IQCH: variants seen among roughly 807,000 people sequenced by gnomAD.
IQCH encodes IQ motif containing H.
In IQCH, 98 loss-of-function variants were observed where a neutral mutation model predicts 117.0. The observed-to-expected ratio is 0.84, with a 90% CI of 0.71 to 0.99. IQCH has a LOEUF of 0.99. IQCH is among the 50% of genes least tolerant of loss of function. The probability of loss-of-function intolerance (pLI) is 0.00; values close to 1 mark genes in which losing one functional copy is unlikely to be tolerated. For synonymous variants in IQCH, 412 were observed against 448.2 expected (o/e 0.92, Z 1.02); for missense variants, 1,102 against 1,243.8 (o/e 0.89, Z 1.72).
intron 4 of IQCH, chr15:67,281,758 T>C (rs1160727416): frequency 2.2e-6 from 1 of 454,786 alleles, no homozygotes; most frequent in Non-Finnish European, 4.4e-6. Flanking sequence ...TATTTCAAAA[T>C]ATGTCAAAGT....
rs1971449577 is a variant in IQCH at position 67,395,767 on chromosome 15, G to A, written c.1905+204G>A. On this transcript the variant is annotated intron_variant, in intron 13 of 20. Transcript: ENST00000335894. This position sits in a 1 kb window ranked among gnomAD's most constrained non-coding sequence, Gnocchi z 4.0. ...GATGGAGTCTCACTCTGTCATCCAG[G>A]CTGGAGGGCAGTGGTGTGATCTTGG... Among the ~76,000 whole-genome samples, 1 of 148,660 alleles carries A rather than the reference G, an allele frequency of 6.7e-6. No homozygotes were observed. Among genetic ancestry groups the A allele is most frequent in the African/African-American group, 2.5e-5 (1 of 40,066 alleles).
In IQCH at chr15:67,381,773, G is replaced by A. The variant is rs925439496; in HGVS notation, c.1373-3163G>A. Among the ~76,000 whole-genome samples, 1 of 152,090 alleles carries A rather than the reference G, an allele frequency of 6.6e-6. No homozygotes were observed. Among genetic ancestry groups the A allele is most frequent in the East Asian group, 1.9e-4 (1 of 5,180 alleles). On this transcript the variant is annotated intron_variant, in intron 10 of 20. Transcript: ENST00000335894. This position sits in a 1 kb window ranked among gnomAD's most constrained non-coding sequence, Gnocchi z 5.1. ...AGGTGGGTGGATCACTTTAGCCCAGGAATTTGAGATCAGCCTGGGCAACAT... is the reference window on the plus strand; with the variant it reads ...AGGTGGGTGGATCACTTTAGCCCAGAAATTTGAGATCAGCCTGGGCAACAT...
Position 67,481,262 on chromosome 15 carries a change from T to C in IQCH, c.2799+5444T>C, listed in dbSNP as rs2083330479. ...TAATTTATAAAAGAAAGAGGTTTAA[T>C]TGACTCCCAGTTCTGCATGCCTGGG... On this transcript the variant is annotated intron_variant, in intron 18 of 20. Transcript: ENST00000335894. The surrounding 1 kb of genome is among the most constrained non-coding windows in gnomAD (Gnocchi z 4.1). Among the ~76,000 whole-genome samples the C allele has an allele frequency of 6.6e-6, 1 of 152,222 alleles. No homozygotes were observed. Among genetic ancestry groups the C allele is most frequent in the Admixed American group, 6.5e-5 (1 of 15,282 alleles).
At position 67,467,986 on chromosome 15, in the gene IQCH, TA is replaced by T. The variant is rs1412330932; in HGVS notation, c.2676+2690del. Among the ~76,000 whole-genome samples the T allele has an allele frequency of 6.6e-6, 1 of 152,210 alleles. No homozygotes were observed. Among genetic ancestry groups the T allele is most frequent in the Non-Finnish European group, 1.5e-5 (1 of 68,048 alleles). On this transcript the variant is annotated intron_variant, in intron 17 of 20. Coordinates refer to ENST00000335894, the MANE Select transcript of IQCH (RefSeq NM_001031715.3). This position sits in a 1 kb window ranked among gnomAD's most constrained non-coding sequence, Gnocchi z 5.7. ...GGGAGAACTGTCACTCAGACCCATT[TA>T]GACCAGGTGAATGGGTTTCTGATTC... is the stretch of plus-strand genomic sequence containing the variant.
chr15:67,303,668 G>T (rs769262978), intron 4 of IQCH, among the ~76,000 whole-genome samples: 1 of 152,112 alleles, frequency 6.6e-6, no homozygotes, highest in Non-Finnish European at 1.5e-5. Context: ...TGGCACCTAG[G>T]TGTCCTGACA....
chr15:67,441,206 A>G (rs2082264135), intron 16 of IQCH, among the ~76,000 whole-genome samples: 1 of 151,718 alleles, frequency 6.6e-6, no homozygotes, highest in African/African-American at 2.4e-5. Flanking sequence ...TGCAAGGAAA[A>G]CTACAAAATA....
intron 14 of IQCH, among the ~76,000 whole-genome samples, chr15:67,410,900 T>C (rs890003666): frequency 1.3e-5 from 2 of 152,144 alleles, no homozygotes; most frequent in African/African-American, 4.8e-5. Flanking sequence ...TTCCACTGCA[T>C]CATGGCACAC....
chr15:67,283,747 C>T lies in IQCH; in HGVS notation c.387+4235C>T, dbSNP rs116891421. Among the ~76,000 whole-genome samples, 92 of 152,200 alleles carry T rather than the reference C, an allele frequency of 6.0e-4. 1 individual carries two copies. In the East Asian group the frequency reaches 0.013, roughly 22 times the overall value. On this transcript the variant is annotated intron_variant, in intron 4 of 20. Coordinates refer to ENST00000335894, the MANE Select transcript of IQCH (RefSeq NM_001031715.3). Reference sequence around the variant, plus strand: ...TACTTCAAAATATTTAGATAAAACTCATGCCCCAAATAATATATCTCTTGT... The same window carrying T: ...TACTTCAAAATATTTAGATAAAACTTATGCCCCAAATAATATATCTCTTGT...
At chr15:67,351,293 G>A (rs1434234676) in intron 6 of IQCH, among the ~76,000 whole-genome samples, 3 of 150,716 alleles carry the variant, frequency 2.0e-5, no homozygotes, top group Admixed American at 2.0e-4. Flanking sequence ...CCCTAAGTCT[G>A]TGTGTTCTCA....
intron 3 of IQCH, among the ~76,000 whole-genome samples, chr15:67,266,613 T>C (rs1004862196): frequency 2.0e-5 from 3 of 152,252 alleles, no homozygotes; most frequent in African/African-American, 4.8e-5. Context: ...GCCGAGATTG[T>C]GCCACTGCAC....
At chr15:67,338,453 T>C (rs989339017) in intron 5 of IQCH, among the ~76,000 whole-genome samples, 3 of 152,116 alleles carry the variant, frequency 2.0e-5, no homozygotes, top group Non-Finnish European at 2.9e-5. Context: ...TCTGGTATTG[T>C]GCAAGATACT....
At chr15:67,419,964 C>G (rs2081687899) in intron 15 of IQCH, among the ~76,000 whole-genome samples, 1 of 152,176 alleles carries the variant, frequency 6.6e-6, no homozygotes, top group South Asian at 2.1e-4. Context: ...TAGGTGACGG[C>G]TAAAGGCACA....
rs1315108066 is a variant in IQCH, at chr15:67,472,290, C to A, written c.2677-3406C>A. Among the ~76,000 whole-genome samples, 1 of 152,148 alleles carries A rather than the reference C, an allele frequency of 6.6e-6. No individual in the cohort carries two copies. The highest frequency in any genetic ancestry group is 1.5e-5 in the Non-Finnish European group (1 of 68,034). On this transcript the variant is annotated intron_variant, in intron 17 of 20. Coordinates refer to ENST00000335894, the MANE Select transcript of IQCH (RefSeq NM_001031715.3). This position sits in a 1 kb window ranked among gnomAD's most constrained non-coding sequence, Gnocchi z 4.3. ...GAACCAGTCAGACTGGAGCACAGAA[C>A]TGGGGAAGTGGGAAGCAGGAGAAGT...
rs12899339 is a variant in IQCH at position 67,485,861 on chromosome 15, G to A, written c.2800-4142G>A. On this transcript the variant is annotated intron_variant, in intron 18 of 20. Transcript: ENST00000335894. ...TTTGGTAGAATTGGGGTTTCACCGT[G>A]TTGGTCAGGATGGTCTCGATCTCTT... Among the ~76,000 whole-genome samples, 560 of 151,846 alleles carry A rather than the reference G, an allele frequency of 3.7e-3. 5 individuals are homozygous for A. Among genetic ancestry groups the A allele is most frequent in the South Asian group, 0.011 (55 of 4,808 alleles).
chr15:67,442,998 CTT>C (rs927315567), intron 16 of IQCH, among the ~76,000 whole-genome samples: 1 of 143,848 alleles, frequency 7.0e-6, no homozygotes. Context: ...GACTGTTATT[CTT>C]TTTTTTTTTT....
In IQCH at chr15:67,408,784, G is replaced by A. The variant is rs181281249; in HGVS notation, c.2098-8147G>A. On this transcript the variant is annotated intron_variant, in intron 14 of 20. Transcript: ENST00000335894. The surrounding 1 kb of genome is among the most constrained non-coding windows in gnomAD (Gnocchi z 4.2). ...AGCATATGCAATTTTCTCAACCAGC[G>A]ATATTTCTCTAACTGGAAAGAAAGA... is the stretch of plus-strand genomic sequence containing the variant. Among the ~76,000 whole-genome samples, 2 of 152,092 alleles carry A rather than the reference G, an allele frequency of 1.3e-5. No homozygotes were observed. Among genetic ancestry groups the A allele is most frequent in the East Asian group, 1.9e-4 (1 of 5,174 alleles).
At chr15:67,326,108 C>T (rs1968396219) in intron 4 of IQCH, among the ~76,000 whole-genome samples, 1 of 152,020 alleles carries the variant, frequency 6.6e-6, no homozygotes, top group Admixed American at 6.6e-5. Flanking sequence ...TAATGCTGTC[C>T]CTCCCCACTA....
At chr15:67,326,728 T>C (rs55753414) in intron 4 of IQCH, among the ~76,000 whole-genome samples, 2 of 152,244 alleles carry the variant, frequency 1.3e-5, no homozygotes, top group Admixed American at 1.3e-4. Flanking sequence ...TTATTAATTC[T>C]ACAAGCAGCT....
chr15:67,365,601 T>A lies in IQCH; in HGVS notation c.753+5716T>A, dbSNP rs944915526. Among the ~76,000 whole-genome samples the A allele has an allele frequency of 2.6e-5, 4 of 152,160 alleles. No homozygotes were observed. Among genetic ancestry groups the A allele is most frequent in the African/African-American group, 7.2e-5 (3 of 41,434 alleles). On this transcript the variant is annotated intron_variant, in intron 8 of 20. Transcript: ENST00000335894. The surrounding 1 kb of genome is among the most constrained non-coding windows in gnomAD (Gnocchi z 4.4). ...TTTAATATAATATCAAAGAGTGAGATAAGTGCTATGAAGAAAAATAAACCA... is the reference window on the plus strand; with the variant it reads ...TTTAATATAATATCAAAGAGTGAGAAAAGTGCTATGAAGAAAAATAAACCA...
Sources: allele counts gnomAD v4.1 joint callset (sites outside exome capture counted in the v4.1 genomes callset), GRCh38; gene constraint gnomAD v4.1.1; non-coding constraint Gnocchi (gnomAD v3.1); transcripts MANE v1.5; gene names NCBI Gene and HGNC (gene_info 2026-07-23, HGNC 2026-07-21).